Variants in HYAL4 observed in about 807,000 individuals in gnomAD.
HYAL4 encodes the protein hyaluronidase-4.
HYAL4 carries 37 observed loss-of-function variants against 35.2 expected under a neutral mutation model. The ratio of observed to expected loss-of-function variants is 1.05; its 90% CI spans 0.81 to 1.38. The LOEUF (loss-of-function observed/expected upper bound fraction) is 1.38. Among genes scored for constraint, HYAL4 ranks in the 40% most tolerant of loss-of-function variants. HYAL4 has a pLI of 0.00. For synonymous variants in HYAL4, 198 were observed against 203.2 expected (o/e 0.97, Z 0.22); for missense variants, 572 against 572.4 (o/e 1.00, Z 0.01).
At chr7:123,813,535 C>T in the HYAL4 span, among the ~76,000 whole-genome samples, 1,873 of 152,280 alleles carry the variant, frequency 0.012, 34 homozygotes, top group African/African-American at 0.043. Context: ...ATAATCAACA[C>T]AGGGTAATTA....
At chr7:123,876,696 C>T (rs915871092) in intron 4 of HYAL4, 58 bp from the exon 5 acceptor site, 6 of 1,539,530 alleles carry the variant, frequency 3.9e-6, no homozygotes, top group Non-Finnish European at 5.3e-6. Flanking sequence ...AAATCGATTT[C>T]TTTGTACATT....
intron 1 of HYAL4, among the ~76,000 whole-genome samples, chr7:123,834,080 T>A (rs1805924737): frequency 6.6e-6 from 1 of 152,180 alleles, no homozygotes; most frequent in African/African-American, 2.4e-5. Flanking sequence ...CTTTTTTGGT[T>A]CCGTAGGAAT....
At chr7:123,798,503 T>C in the HYAL4 span, among the ~76,000 whole-genome samples, 2 of 152,170 alleles carry the variant, frequency 1.3e-5, no homozygotes, top group South Asian at 4.1e-4. Context: ...TAAAGCCATC[T>C]CTAAAAATGG....
chr7:123,776,280 G>GAAGACTTTCCTGCAGCCAGAAAGTCTT, the HYAL4 span, among the ~76,000 whole-genome samples: 2 of 152,158 alleles, frequency 1.3e-5, no homozygotes, highest in African/African-American at 4.8e-5. Flanking sequence ...CAGGAAGTCT[G>GAAGACTTTCCTGCAGCCAGAAAGTCTT]AGGAAGCTTT....
chr7:123,833,967 A>G (rs1348576010), intron 1 of HYAL4, among the ~76,000 whole-genome samples: 1 of 152,122 alleles, frequency 6.6e-6, no homozygotes, highest in Non-Finnish European at 1.5e-5. Flanking sequence ...TATCAGTATT[A>G]TGCTGTTTTG....
chr7:123,807,461 G>T, the HYAL4 span, among the ~76,000 whole-genome samples: 1 of 106,538 alleles, frequency 9.4e-6, no homozygotes. Flanking sequence ...TTGAGACAGA[G>T]TCTCGCTCTG....
rs780928460 is a variant in HYAL4, at chr7:123,874,798, T to C, written c.992T>C (p.Leu331Ser). The change falls in exon 4 of 5, where the codon TTG (leucine) becomes TCG (serine). Residue 331 changes from leucine to serine, a missense_variant. By Grantham distance (145) the Leu-to-Ser change is moderately radical. Coordinates refer to ENST00000223026, the MANE Select transcript of HYAL4 (RefSeq NM_012269.3). ...LVSTIGESAALGAAGIVIWGD... is the reference protein window; with the variant it reads ...LVSTIGESAASGAAGIVIWGD... ...AGCACCATAGGAGAAAGTGCTGCCT[T>C]GGGAGCTGCAGGCATTGTTATTTGG... The C allele has an allele frequency of 2.1e-5, 34 of 1,610,578 alleles. No homozygotes were observed. In the African/African-American group the frequency reaches 4.4e-4, roughly 21 times the overall value.
intron 1 of HYAL4, among the ~76,000 whole-genome samples, chr7:123,833,183 G>C (rs893815089): frequency 2.0e-5 from 3 of 152,126 alleles, no homozygotes; most frequent in Admixed American, 1.3e-4. Context: ...ATTGTACTAG[G>C]TTACATTCCC....
At chr7:123,872,601 G>A (rs142877046) in intron 3 of HYAL4, among the ~76,000 whole-genome samples, 1 of 152,296 alleles carries the variant, frequency 6.6e-6, no homozygotes, top group Non-Finnish European at 1.5e-5. Flanking sequence ...TGCCACACTG[G>A]GACCTGGGAG....
chr7:123,842,540 C>T (rs904733481), upstream of HYAL4, among the ~76,000 whole-genome samples: 2 of 151,944 alleles, frequency 1.3e-5, no homozygotes, highest in Non-Finnish European at 2.9e-5. Flanking sequence ...GAGTTCAGGT[C>T]CTGGATATCC....
chr7:123,814,282 G>A, the HYAL4 span: 1 of 152,670 alleles, frequency 6.6e-6, no homozygotes, highest in East Asian at 1.9e-4. Context: ...TGTATTGTAT[G>A]CCTTCCTTCA....
chr7:123,842,948 A>G (rs139701587), upstream of HYAL4, among the ~76,000 whole-genome samples: 771 of 151,956 alleles, frequency 5.1e-3, 15 homozygotes, highest in Non-Finnish European at 7.0e-3. Context: ...TTGACTATTT[A>G]TCCAATTTGC....
rs1450128284 is a variant in HYAL4 at position 123,856,262 on chromosome 7, C to T, written c.-52+8104C>T. Among the ~76,000 whole-genome samples the T allele has an allele frequency of 2.6e-5, 4 of 152,016 alleles. No individual in the cohort carries two copies. In the East Asian group the frequency reaches 7.8e-4, roughly 30 times the overall value. On this transcript the variant is annotated intron_variant, in intron 2 of 4. Coordinates refer to ENST00000223026, the MANE Select transcript of HYAL4 (RefSeq NM_012269.3). ...CCCTTGCTGGTGAGAAGTTGTTATACTTTGGAGGCATTTTGGTTTTTGTAA... is the reference window on the plus strand; with the variant it reads ...CCCTTGCTGGTGAGAAGTTGTTATATTTTGGAGGCATTTTGGTTTTTGTAA...
chr7:123,789,251 A>G, the HYAL4 span, among the ~76,000 whole-genome samples: 1 of 152,252 alleles, frequency 6.6e-6, no homozygotes, highest in Non-Finnish European at 1.5e-5. Flanking sequence ...GATAAATAGT[A>G]TAAGACGAAT....
chr7:123,842,092 G>A (rs764070585), upstream of HYAL4, among the ~76,000 whole-genome samples: 1 of 151,912 alleles, frequency 6.6e-6, no homozygotes, highest in Non-Finnish European at 1.5e-5. Flanking sequence ...TGATGTTAGG[G>A]TGATGATTTT....
chr7:123,800,278 T>C, the HYAL4 span, among the ~76,000 whole-genome samples: 1 of 150,910 alleles, frequency 6.6e-6, no homozygotes, highest in South Asian at 2.1e-4. Flanking sequence ...CACGCCATTC[T>C]CCTGCCTCAG....
chr7:123,857,469 G>A (rs1402732327), intron 2 of HYAL4, among the ~76,000 whole-genome samples: 1 of 151,922 alleles, frequency 6.6e-6, no homozygotes, highest in Non-Finnish European at 1.5e-5. Flanking sequence ...CCTAAGTGAG[G>A]TGATGCCCCA....
At chr7:123,847,118 T>C (rs539588671) in intron 1 of HYAL4, among the ~76,000 whole-genome samples, 3 of 152,344 alleles carry the variant, frequency 2.0e-5, no homozygotes, top group African/African-American at 7.2e-5. Context: ...TACATTGCTC[T>C]GTCTGTCCAC....
rs71163703 is a variant in HYAL4, at chr7:123,832,479, C to CTTTTTTTTTTTTTTTTTTTTTTTTTT, written c.-257+3368_-257+3393dup. 1.4e-4 allele frequency among the ~76,000 whole-genome samples: 3 copies of CTTTTTTTTTTTTTTTTTTTTTTTTTT among 21,846 alleles called. 1 individual carries two copies. The highest frequency in any genetic ancestry group is 8.3e-4 in the African/African-American group (3 of 3,598). The allele number at this position is 21,846 out of a possible 152,430, so 14.3% of individuals were successfully genotyped here. On this transcript the variant is annotated intron_variant, in intron 1 of 4. Coordinates refer to the HYAL4 transcript ENST00000489978. ...AGTCCCCAAAGTCTATTGTGTCATA[C>CTTTTTTTTTTTTTTTTTTTTTTTTTT]TTTTTTTTTTTTTTTTTTTTTTTTT...
Sources: allele counts gnomAD v4.1 joint callset (sites outside exome capture counted in the v4.1 genomes callset), GRCh38; gene constraint gnomAD v4.1.1; transcripts MANE v1.5; gene names NCBI Gene and HGNC (gene_info 2026-07-23, HGNC 2026-07-21).